The following BTRC variants were observed in gnomAD, a reference collection of about 807,000 sequenced individuals.
BTRC encodes the protein F-box/WD repeat-containing protein 1A.
A neutral mutation model predicts 85.5 loss-of-function variants in BTRC; 42 were observed. The ratio of observed to expected loss-of-function variants is 0.49; its 90% CI spans 0.38 to 0.64. BTRC has a LOEUF of 0.64. Among genes scored for constraint, BTRC ranks in the 30% least tolerant of loss-of-function variants. The probability of loss-of-function intolerance (pLI) is 0.00; values close to 1 mark genes in which losing one functional copy is unlikely to be tolerated. For synonymous variants in BTRC, 255 were observed against 263.3 expected (o/e 0.97, Z 0.30); for missense variants, 594 against 743.5 (o/e 0.80, Z 2.34).
At chr10:101,505,644 T>TA (rs1946520182) in intron 4 of BTRC, among the ~76,000 whole-genome samples, 10 of 133,478 alleles carry the variant, frequency 7.5e-5, no homozygotes, top group African/African-American at 1.5e-4. Context: ...AAAAAAATAA[T>TA]AATAAAAAAA....
chr10:101,505,442 AC>A (rs1946510534), intron 4 of BTRC, among the ~76,000 whole-genome samples: 2 of 149,066 alleles, frequency 1.3e-5, no homozygotes, highest in Non-Finnish European at 3.0e-5. Flanking sequence ...ACACGGTGAA[AC>A]CCCGTCTCTA....
rs1198480502 is a variant in BTRC at position 101,366,973 on chromosome 10, T to C, written c.48+12745T>C. 3.2e-5 allele frequency among the ~76,000 whole-genome samples: 2 copies of C among 63,388 alleles called. 1 individual carries two copies. The highest frequency in any genetic ancestry group is 6.0e-5 in the Non-Finnish European group (2 of 33,388). The allele number at this position is 63,388 out of a possible 152,430, so 41.6% of individuals were successfully genotyped here. On this transcript the variant is annotated intron_variant, in intron 1 of 14. Transcript: ENST00000370187. Reference sequence around the variant, plus strand: ...TTATATATATATTTATATAAATATATATTTATATATTTATATATATTAATA... The same window carrying C: ...TTATATATATATTTATATAAATATACATTTATATATTTATATATATTAATA...
chr10:101,400,068 TCCATAAA>T (rs1943457608), intron 1 of BTRC, among the ~76,000 whole-genome samples: 1 of 152,174 alleles, frequency 6.6e-6, no homozygotes, highest in African/African-American at 2.4e-5. Flanking sequence ...CCTGCTAAAT[TCCATAAA>T]CTGGATGGGG....
At chr10:101,388,054 A>G (rs1355455833) in intron 1 of BTRC, among the ~76,000 whole-genome samples, 1 of 152,210 alleles carries the variant, frequency 6.6e-6, no homozygotes, top group Non-Finnish European at 1.5e-5. Flanking sequence ...GCAAAAATAT[A>G]CTAAACCTAT....
rs762605128 is a variant in BTRC, at chr10:101,534,780, C to T, written c.1217C>T (p.Ala406Val). The change falls in exon 10 of 15, where the codon GCT (alanine) becomes GTT (valine). Residue 406 changes from alanine to valine, a missense_variant. This residue lies in a region of BTRC where 373 missense variants were observed against 503.6 expected (regional missense o/e 0.74). Transcript: ENST00000370187. ...MVTCSKDRSI[A>V]VWDMASPTDI... is the part of the protein sequence containing the mutation. ...ACCTGCTCCAAAGATCGTTCCATTG[C>T]TGTATGGGATATGGCCTCCCCAACT... 6.2e-7 allele frequency: 1 copy of T among 1,614,152 alleles called. No individual in the cohort carries two copies.
chr10:101,404,029 TA>T (rs1236966140), intron 1 of BTRC, among the ~76,000 whole-genome samples: 460 of 33,830 alleles, frequency 0.014, 22 homozygotes, highest in African/African-American at 0.037. Flanking sequence ...TATATATATA[TA>T]TTTTTTTTTT....
chr10:101,535,837 A>G, intron 11 of BTRC, among the ~76,000 whole-genome samples: 1 of 152,206 alleles, frequency 6.6e-6, no homozygotes, highest in East Asian at 1.9e-4. Flanking sequence ...GAAATTATGA[A>G]GATTTCACAG....
chr10:101,450,865 G>A (rs1391826488), intron 2 of BTRC, among the ~76,000 whole-genome samples: 2 of 152,132 alleles, frequency 1.3e-5, no homozygotes, highest in African/African-American at 2.4e-5. Context: ...GCTGCATGAC[G>A]TTGTGTAAAT....
At chr10:101,369,923 C>T (rs1426794648) in intron 1 of BTRC, among the ~76,000 whole-genome samples, 1 of 152,168 alleles carries the variant, frequency 6.6e-6, no homozygotes, top group Admixed American at 6.6e-5. Flanking sequence ...GTTCCCCACA[C>T]CCACTATATA....
At chr10:101,535,307 C>A in intron 10 of BTRC, 47 bp from the exon 11 acceptor site, 1 of 1,425,532 alleles carries the variant, frequency 7.0e-7, no homozygotes, top group Non-Finnish European at 9.9e-7. Context: ...ATAGATTTTA[C>A]CAATAAAAGC....
intron 1 of BTRC, among the ~76,000 whole-genome samples, chr10:101,428,184 C>G (rs1200857515): frequency 1.3e-5 from 2 of 152,058 alleles, no homozygotes; most frequent in Non-Finnish European, 2.9e-5. Flanking sequence ...AGTTTAAAGA[C>G]AGGGGTAAGA....
intron 1 of BTRC, among the ~76,000 whole-genome samples, chr10:101,366,541 C>T (rs1942379399): frequency 6.6e-6 from 1 of 151,044 alleles, no homozygotes; most frequent in Non-Finnish European, 1.5e-5. Context: ...TTTTTAGAAG[C>T]TTTAAAGAAG....
At chr10:101,392,775 C>T (rs185547121) in intron 1 of BTRC, among the ~76,000 whole-genome samples, 1 of 152,212 alleles carries the variant, frequency 6.6e-6, no homozygotes, top group East Asian at 1.9e-4. Flanking sequence ...CCACCTGCCT[C>T]GGCCTCCCAA....
At chr10:101,551,332 A>G (rs1202151501) in intron 14 of BTRC, 1 of 153,476 alleles carries the variant, frequency 6.5e-6, no homozygotes, top group African/African-American at 2.4e-5. Flanking sequence ...GTGAAAGTTC[A>G]CACTGACATA....
intron 4 of BTRC, among the ~76,000 whole-genome samples, chr10:101,510,700 C>A (rs1233517375): frequency 1.3e-5 from 2 of 152,012 alleles, no homozygotes; most frequent in Non-Finnish European, 2.9e-5. Flanking sequence ...GATTAATGTA[C>A]CAGACTAAAT....
chr10:101,496,078 GTTATAATTTGTTATTGAT>G (rs1050569455), intron 4 of BTRC, among the ~76,000 whole-genome samples: 1 of 151,144 alleles, frequency 6.6e-6, no homozygotes, highest in African/African-American at 2.4e-5. Context: ...TGTATGTATA[GTTATAATTTGTTATTGAT>G]ATGTAATATT....
intron 1 of BTRC, among the ~76,000 whole-genome samples, chr10:101,357,628 C>T (rs1020852858): frequency 2.6e-5 from 4 of 152,014 alleles, no homozygotes; most frequent in South Asian, 4.1e-4. Context: ...TCATGATTTC[C>T]ATGGTTTAAA....
chr10:101,448,925 G>A (rs1466637014), intron 2 of BTRC, among the ~76,000 whole-genome samples: 1 of 151,818 alleles, frequency 6.6e-6, no homozygotes, highest in Non-Finnish European at 1.5e-5. Flanking sequence ...TAAGTGAGAG[G>A]AATGGTATTT....
intron 1 of BTRC, among the ~76,000 whole-genome samples, chr10:101,366,948 TTA>T (rs71016311): frequency 4.3e-4 from 11 of 25,434 alleles, no homozygotes; most frequent in South Asian, 9.1e-4. Flanking sequence ...TTATATATAT[TTA>T]TATATATATT....
Sources: allele counts gnomAD v4.1 joint callset (sites outside exome capture counted in the v4.1 genomes callset), GRCh38; gene constraint gnomAD v4.1.1; regional missense constraint gnomAD v4.1.1; transcripts MANE v1.5; gene names NCBI Gene and HGNC (gene_info 2026-07-23, HGNC 2026-07-21).